TXNRD1: variants seen among roughly 807,000 people sequenced by gnomAD.
TXNRD1 encodes thioredoxin reductase 1, cytoplasmic.
In TXNRD1, 57 loss-of-function variants were observed where a neutral mutation model predicts 80.3. That is an observed-to-expected ratio of 0.71 (90% CI 0.57 to 0.89). The LOEUF is 0.89. Ranked by LOEUF, TXNRD1 falls within the 40% of genes least tolerant of loss-of-function variation. The probability of loss-of-function intolerance (pLI) is 0.00; values close to 1 mark genes in which losing one functional copy is unlikely to be tolerated. For missense variants in TXNRD1, 730 were observed against 803.0 expected (o/e 0.91, Z 1.10); for synonymous variants, 291 against 285.2 (o/e 1.02, Z -0.20).
At chr12:104,314,243 A>G (rs1243049958) in intron 6 of TXNRD1, among the ~76,000 whole-genome samples, 1 of 152,232 alleles carries the variant, frequency 6.6e-6, no homozygotes, top group Non-Finnish European at 1.5e-5. Context: ...TGGACTAATC[A>G]GAGCATATAA....
At chr12:104,279,002 G>A (rs1211222893) in intron 3 of TXNRD1, among the ~76,000 whole-genome samples, 1 of 152,040 alleles carries the variant, frequency 6.6e-6, no homozygotes, top group Non-Finnish European at 1.5e-5. Flanking sequence ...ACTATATTAA[G>A]TGCTGGGAAC....
intron 3 of TXNRD1, among the ~76,000 whole-genome samples, chr12:104,271,911 C>T (rs2033659971): frequency 6.6e-6 from 1 of 151,908 alleles, no homozygotes; most frequent in Non-Finnish European, 1.5e-5. Context: ...TATTTGGATT[C>T]ACTTTAAGAA....
intron 7 of TXNRD1, 32 bp from the exon 8 acceptor site, chr12:104,318,881 C>G (rs1405496525): frequency 1.3e-6 from 2 of 1,588,294 alleles, no homozygotes; most frequent in African/African-American, 2.7e-5. Context: ...GTTGAAAAGC[C>G]AAACAAGATT....
chr12:104,268,555 T>C (rs1490718770), intron 3 of TXNRD1, among the ~76,000 whole-genome samples: 4 of 151,828 alleles, frequency 2.6e-5, no homozygotes, highest in African/African-American at 4.8e-5. Flanking sequence ...AGTATCACTC[T>C]GTCCCCAGGC....
chr12:104,255,350 A>C (rs2033225512), intron 2 of TXNRD1, among the ~76,000 whole-genome samples: 3 of 151,870 alleles, frequency 2.0e-5, no homozygotes, highest in Non-Finnish European at 4.4e-5. Flanking sequence ...TTATCTCTGA[A>C]ATCTACTAAC....
At chr12:104,243,965 C>G (rs4246264) in intron 1 of TXNRD1, among the ~76,000 whole-genome samples, 138,395 of 152,238 alleles carry the variant, frequency 0.91, 63,155 homozygotes, top group African/African-American at 0.98. Flanking sequence ...CAAAATAGGA[C>G]AGTGGCTTTA....
chr12:104,271,413 G>C (rs1435665614), intron 3 of TXNRD1, among the ~76,000 whole-genome samples: 1 of 151,996 alleles, frequency 6.6e-6, no homozygotes, highest in Admixed American at 6.6e-5. Flanking sequence ...TCCTGACCTC[G>C]TGATCTGCCC....
chr12:104,260,023 C>T (rs971797754), intron 3 of TXNRD1, among the ~76,000 whole-genome samples: 1 of 152,186 alleles, frequency 6.6e-6, no homozygotes, highest in African/African-American at 2.4e-5. Flanking sequence ...AATTGAATCC[C>T]AGAGAAGTCA....
chr12:104,277,983 TCTCCTGCCTCACC>T (rs112991625), intron 3 of TXNRD1, among the ~76,000 whole-genome samples: 3 of 151,204 alleles, frequency 2.0e-5, no homozygotes, highest in African/African-American at 7.3e-5. Flanking sequence ...TTCACTCCAT[TCTCCTGCCTCACC>T]CTCCCGAGTA....
chr12:104,349,943 T>C lies in TXNRD1; in HGVS notation c.*1522T>C, dbSNP rs2036595823. On this transcript the variant is annotated 3_prime_UTR_variant, in exon 17 of 17. Coordinates refer to ENST00000525566, the MANE Select transcript of TXNRD1 (RefSeq NM_001093771.3). ...CATCTCATTTGGCTGTGTAAAGAAA[T>C]GGGAAAAGGGAAAAGGAGAGAGCAA... 1 of 152,416 alleles carries C rather than the reference T, an allele frequency of 6.6e-6. No individual in the cohort carries two copies. Among genetic ancestry groups the C allele is most frequent in the Non-Finnish European group, 1.5e-5 (1 of 68,024 alleles). The allele number at this position is 152,416 out of a possible 1,614,324, so 9.4% of individuals were successfully genotyped here. A position where few individuals can be genotyped will look rare whatever the true frequency, so the allele number is the denominator to read the frequency against.
chr12:104,327,326 C>T (rs372525046), intron 12 of TXNRD1, among the ~76,000 whole-genome samples, 189 bp from the exon 13 acceptor site: 11 of 152,144 alleles, frequency 7.2e-5, no homozygotes, highest in East Asian at 1.9e-4. Flanking sequence ...TTTTCAGAAC[C>T]GTGGACAGAA....
chr12:104,331,784 A>G (rs1164683034), intron 14 of TXNRD1, 143 bp downstream of exon 14: 1 of 572,456 alleles, frequency 1.7e-6, no homozygotes, highest in African/African-American at 1.9e-5. Context: ...ACATTGTGCC[A>G]ATTTATTTTA....
At chr12:104,232,638 A>C (rs764966181) in intron 1 of TXNRD1, among the ~76,000 whole-genome samples, 1 of 152,130 alleles carries the variant, frequency 6.6e-6, no homozygotes, top group Non-Finnish European at 1.5e-5. Context: ...ACATGAGGCC[A>C]GTGCTCCCCA....
In TXNRD1 at chr12:104,326,206, G is replaced by C. The variant is rs185808102; in HGVS notation, c.1309-141G>C. On this transcript the variant is annotated intron_variant, in intron 11 of 16. Transcript: ENST00000525566. ...AAGATTTTAATTTATTTAAACTCTT[G>C]CATTACTTTCTTACTGAAATATTTA... 2.6e-3 allele frequency: 1,622 copies of C among 616,912 alleles called. 4 individuals carry two copies. The highest frequency in any genetic ancestry group is 3.4e-3 in the Non-Finnish European group (1,219 of 355,266). 38.2% of individuals were successfully genotyped at this position (616,912 alleles called of 1,614,324 possible).
At chr12:104,300,224 A>G (rs1240694737) in intron 4 of TXNRD1, among the ~76,000 whole-genome samples, 5 of 152,248 alleles carry the variant, frequency 3.3e-5, no homozygotes, top group Non-Finnish European at 7.3e-5. Flanking sequence ...CTCCTAGAAA[A>G]GGAACTGAAA....
chr12:104,346,039 T>C lies in TXNRD1; in HGVS notation c.1882-2314T>C, dbSNP rs566005686. On this transcript the variant is annotated intron_variant, in intron 16 of 16. Coordinates refer to ENST00000525566, the MANE Select transcript of TXNRD1 (RefSeq NM_001093771.3). ...AGCAGTTTTTTTCATTTATTTGAGA[T>C]AGGGTTCCTGTCACCCAGGCTGGAG... 7.6e-5 allele frequency: 96 copies of C among 1,268,480 alleles called. No individual in the cohort carries two copies. In the African/African-American group the frequency reaches 1.4e-3, roughly 19 times the overall value. The allele number at this position is 1,268,480 out of a possible 1,614,324, so 78.6% of individuals were successfully genotyped here. A position where few individuals can be genotyped will look rare whatever the true frequency, so the allele number is the denominator to read the frequency against.
At chr12:104,250,688 A>T (rs183205859) in intron 1 of TXNRD1, among the ~76,000 whole-genome samples, 22 of 152,322 alleles carry the variant, frequency 1.4e-4, no homozygotes, top group Admixed American at 4.6e-4. Flanking sequence ...AAATACAAAT[A>T]TCAACTATGA....
At chr12:104,245,784 C>T (rs1186750292) in intron 1 of TXNRD1, among the ~76,000 whole-genome samples, 1 of 151,870 alleles carries the variant, frequency 6.6e-6, no homozygotes, top group Non-Finnish European at 1.5e-5. Context: ...TTTATCAGCA[C>T]TGGGAGTTTT....
At chr12:104,322,793 T>A (rs907324578) in intron 10 of TXNRD1, among the ~76,000 whole-genome samples, 4 of 150,766 alleles carry the variant, frequency 2.7e-5, no homozygotes, top group Non-Finnish European at 4.4e-5. Flanking sequence ...TCTTCCTATA[T>A]ACAATTTTTT....
Sources: gnomAD v4.1 joint callset for allele counts (sites outside exome capture counted in the v4.1 genomes callset) on GRCh38, gnomAD v4.1.1 for gene constraint, MANE v1.5 for transcripts, NCBI Gene and HGNC (gene_info 2026-07-23, HGNC 2026-07-21) for gene names.